EPHA6: variants seen among roughly 807,000 people sequenced by gnomAD.
The protein encoded by EPHA6 is ephrin type-A receptor 6.
Under a neutral mutation model 112.0 loss-of-function variants are expected in EPHA6, and 50 were observed. The observed-to-expected ratio is 0.45, with a 90% CI of 0.36 to 0.56. EPHA6 has a LOEUF of 0.56. Ranked by LOEUF, EPHA6 falls within the 20% of genes least tolerant of loss-of-function variation. The pLI is 0.00. For missense variants in EPHA6, 1,280 were observed against 1,417.4 expected (o/e 0.90, Z 1.56); for synonymous variants, 529 against 490.7 (o/e 1.08, Z -1.03).
At chr3:97,275,180 A>C (rs2080028473) in intron 5 of EPHA6, among the ~76,000 whole-genome samples, 1 of 152,152 alleles carries the variant, frequency 6.6e-6, no homozygotes, top group African/African-American at 2.4e-5. Flanking sequence ...CATGCCTAAG[A>C]AGGAAAGGAG....
At chr3:97,383,448 A>T (rs1169777178) in intron 5 of EPHA6, among the ~76,000 whole-genome samples, 1 of 152,112 alleles carries the variant, frequency 6.6e-6, no homozygotes, top group African/African-American at 2.4e-5. Context: ...ATGCCCTGAA[A>T]ACGAAATTCC....
At chr3:97,479,037 G>T (rs57832626) in intron 8 of EPHA6, among the ~76,000 whole-genome samples, 21,908 of 151,984 alleles carry the variant, frequency 0.14, 2,049 homozygotes, top group Admixed American at 0.25. Context: ...GTCATGTAAG[G>T]GATGGTTATG....
intron 3 of EPHA6, among the ~76,000 whole-genome samples, chr3:97,054,040 T>A (rs2045770857): frequency 6.6e-6 from 1 of 151,910 alleles, no homozygotes; most frequent in East Asian, 1.9e-4. Context: ...TTGGCGTCAT[T>A]CATGGCTAGG....
chr3:97,479,441 T>G, intron 9 of EPHA6, 77 bp downstream of exon 9: 1 of 954,680 alleles, frequency 1.0e-6, no homozygotes, highest in Non-Finnish European at 1.5e-6. Context: ...CTGTATCTAT[T>G]GAGTTGAGAA....
At chr3:96,970,211 A>G (rs978134157) in intron 2 of EPHA6, among the ~76,000 whole-genome samples, 1 of 151,586 alleles carries the variant, frequency 6.6e-6, no homozygotes, top group Non-Finnish European at 1.5e-5. Context: ...TAGTCTAAAT[A>G]CCGTTTTCCT....
chr3:97,712,133 GT>G lies in EPHA6; in HGVS notation c.2785-8126del, dbSNP rs2033998895. On this transcript the variant is annotated intron_variant, in intron 14 of 17. Coordinates refer to ENST00000389672, the MANE Select transcript of EPHA6 (RefSeq NM_001080448.3). ...TCTTTCACTCCCCTTTATGATTTAT[GT>G]TGTACATTTTTTAAAAATAAAATCC... Among the ~76,000 whole-genome samples, 3 of 152,202 alleles carry G rather than the reference GT, an allele frequency of 2.0e-5. No individual in the cohort carries two copies. The South Asian group carries it at 6.2e-4, about 32-fold the overall frequency.
intron 3 of EPHA6, among the ~76,000 whole-genome samples, chr3:97,061,931 C>T (rs181229071): frequency 6.6e-6 from 1 of 152,014 alleles, no homozygotes; most frequent in Non-Finnish European, 1.5e-5. Flanking sequence ...AGAAAGAAAA[C>T]AAAAATTATA....
chr3:97,236,369 GA>G (rs200683841), intron 4 of EPHA6, among the ~76,000 whole-genome samples: 5 of 150,856 alleles, frequency 3.3e-5, no homozygotes, highest in African/African-American at 2.4e-5. Context: ...TGAGAGGTTA[GA>G]AAAAAAAATC....
At chr3:96,839,397 C>G (rs887403616) in intron 1 of EPHA6, among the ~76,000 whole-genome samples, 18 of 152,046 alleles carry the variant, frequency 1.2e-4, no homozygotes, top group African/African-American at 4.1e-4. Context: ...TGAGGTGGAA[C>G]AGTTTCATCC....
At position 96,845,512 on chromosome 3, in the gene EPHA6, T is replaced by G. The variant is rs553422471; in HGVS notation, c.386-21313T>G. ...TCGGTAATTGCTCTCCATGGATTACTGAGGTTTTTTGGTTGGTTGGTTGGT... is the reference window on the plus strand; with the variant it reads ...TCGGTAATTGCTCTCCATGGATTACGGAGGTTTTTTGGTTGGTTGGTTGGT... On this transcript the variant is annotated intron_variant, in intron 1 of 17. Coordinates refer to ENST00000389672, the MANE Select transcript of EPHA6 (RefSeq NM_001080448.3). Among the ~76,000 whole-genome samples, 4 of 152,038 alleles carry G rather than the reference T, an allele frequency of 2.6e-5. No homozygotes were observed. In the East Asian group the frequency reaches 7.7e-4, roughly 29 times the overall value.
At chr3:97,566,330 T>C (rs1222788001) in intron 11 of EPHA6, among the ~76,000 whole-genome samples, 2 of 152,090 alleles carry the variant, frequency 1.3e-5, no homozygotes, top group African/African-American at 2.4e-5. Context: ...ACCTCCAACA[T>C]TGGGAATCAC....
chr3:97,143,207 AAGG>A (rs1001985970), intron 3 of EPHA6, among the ~76,000 whole-genome samples: 13 of 151,624 alleles, frequency 8.6e-5, no homozygotes, highest in African/African-American at 3.1e-4. Context: ...ATATTTAACA[AAGG>A]AAGTCAAAGA....
intron 3 of EPHA6, among the ~76,000 whole-genome samples, chr3:97,152,372 A>G (rs530450742): frequency 1.3e-5 from 2 of 151,052 alleles, no homozygotes; most frequent in South Asian, 2.1e-4. Flanking sequence ...AAAATTATTT[A>G]TGTGAAAAAG....
intron 5 of EPHA6, among the ~76,000 whole-genome samples, chr3:97,249,451 C>T (rs899436275): frequency 6.6e-6 from 1 of 152,088 alleles, no homozygotes; most frequent in Admixed American, 6.6e-5. Flanking sequence ...CACCAAATTA[C>T]TTCCAAGTCT....
At chr3:97,611,207 A>G (rs1227319483) in intron 13 of EPHA6, among the ~76,000 whole-genome samples, 10 of 151,800 alleles carry the variant, frequency 6.6e-5, no homozygotes, top group Non-Finnish European at 1.2e-4. Flanking sequence ...ACTATGTAGT[A>G]TGATATTGTA....
intron 10 of EPHA6, among the ~76,000 whole-genome samples, chr3:97,500,662 T>C (rs1001488264): frequency 6.6e-6 from 1 of 152,138 alleles, no homozygotes; most frequent in African/African-American, 2.4e-5. Context: ...TGGTAGTAGA[T>C]ATTATGAAGA....
chr3:97,481,138 A>C (rs1020681906), intron 9 of EPHA6: 12 of 673,924 alleles, frequency 1.8e-5, no homozygotes, highest in Non-Finnish European at 3.3e-5. Context: ...TGGGAGGTGG[A>C]GGTTGTAGAG....
intron 17 of EPHA6, among the ~76,000 whole-genome samples, chr3:97,748,185 C>G (rs554001110): frequency 6.6e-6 from 1 of 152,092 alleles, no homozygotes; most frequent in East Asian, 1.9e-4. Flanking sequence ...TTATACCTTC[C>G]ATCCTACATA....
chr3:97,232,236 C>G (rs553582511), intron 4 of EPHA6, among the ~76,000 whole-genome samples: 3 of 152,232 alleles, frequency 2.0e-5, no homozygotes, highest in South Asian at 4.1e-4. Flanking sequence ...ATACTGTTGT[C>G]ACAATGATTT....
Sources: gnomAD v4.1 joint callset for allele counts (sites outside exome capture counted in the v4.1 genomes callset) on GRCh38, gnomAD v4.1.1 for gene constraint, MANE v1.5 for transcripts, NCBI Gene and HGNC (gene_info 2026-07-23, HGNC 2026-07-21) for gene names.